PCNA: variants seen among roughly 807,000 people sequenced by gnomAD.
PCNA encodes proliferating cell nuclear antigen, also known as DNA sliding clamp PCNA.
PCNA carries 4 observed loss-of-function variants against 27.8 expected under a neutral mutation model. The ratio of observed to expected loss-of-function variants is 0.14; its 90% CI spans 0.07 to 0.33. The LOEUF (loss-of-function observed/expected upper bound fraction) is 0.33, where lower values mean the gene tolerates loss of function less well. PCNA is among the 10% of genes least tolerant of loss of function. The pLI is 1.00. For missense variants in PCNA, 165 were observed against 327.4 expected, an observed-to-expected ratio of 0.50 and a Z score of 3.83; for synonymous variants, 121 against 119.4, an observed-to-expected ratio of 1.01 and a Z score of -0.09.
In PCNA at chr20:5,119,598, G is replaced by A. The variant is rs138777990; in HGVS notation, c.201C>T (p.Ala67=). ...CTCACCTGGTGAGGTTCACGCCCAT[G>A]GCCAGGTTGCGGTCGCAGCGGTAGG... The part of the protein sequence containing the change: ...FDTYRCDRNL[A]MGVNLTSMSK... The change falls in exon 1 of 6, where the codon GCC becomes GCT. Residue 67 remains alanine (A), a synonymous_variant. Coordinates refer to ENST00000379143, the MANE Select transcript of PCNA (RefSeq NM_182649.2). 6.2e-7 allele frequency: 1 copy of A among 1,613,052 alleles called. No homozygotes were observed. Among genetic ancestry groups the A allele is most frequent in the Non-Finnish European group, 8.5e-7 (1 of 1,179,848 alleles).
chr20:5,123,350 A>T (rs1011259947), upstream of PCNA, among the ~76,000 whole-genome samples: 2 of 152,226 alleles, frequency 1.3e-5, no homozygotes, highest in African/African-American at 4.8e-5. Context: ...GAAAGAATGA[A>T]GTAAATTTTG....
chr20:5,122,084 C>T (rs541546875), upstream of PCNA, among the ~76,000 whole-genome samples: 23 of 151,440 alleles, frequency 1.5e-4, no homozygotes, highest in Non-Finnish European at 2.8e-4. Flanking sequence ...TGGGTTCAAG[C>T]AATTCTCATG....
chr20:5,119,349 G>T (rs1408196696), intron 1 of PCNA, among the ~76,000 whole-genome samples: 1 of 151,654 alleles, frequency 6.6e-6, no homozygotes, highest in Non-Finnish European at 1.5e-5. Context: ...TGATTTTCCC[G>T]CCACCACCCG....
upstream of PCNA, among the ~76,000 whole-genome samples, chr20:5,123,924 A>G (rs1568521920): frequency 2.0e-5 from 3 of 152,240 alleles, no homozygotes; most frequent in Admixed American, 1.3e-4. Flanking sequence ...AGTATAGTTT[A>G]GGTTTCAGTG....
Position 5,118,653 on chromosome 20 carries a change from T to A in PCNA, c.344A>T (p.Glu115Val). The change falls in exon 3 of 6, where the codon GAA (glutamate) becomes GTA (valine). Residue 115 changes from glutamate (E) to valine (V), a missense_variant. By Grantham distance (121) the Glu-to-Val change is moderately radical. Transcript: ENST00000379143. The part of the protein sequence containing the change: ...APNQEKVSDY[E>V]MKLMDLDVEQ... ...AACATCTAAATCCATCAACTTCATTTCATAGTCTGAAACTTTCTCCTGGTC... is the reference window on the plus strand; with the variant it reads ...AACATCTAAATCCATCAACTTCATTACATAGTCTGAAACTTTCTCCTGGTC... The A allele has an allele frequency of 1.2e-6, 2 of 1,613,730 alleles. No homozygotes were observed. The highest frequency in any genetic ancestry group is 1.7e-6 in the Non-Finnish European group (2 of 1,179,636).
chr20:5,121,386 CTTTTTTTTTTTTT>C (rs10712798), upstream of PCNA: 1 of 97,226 alleles, frequency 1.0e-5, no homozygotes, highest in Non-Finnish European at 2.0e-5. Flanking sequence ...CCTTTCTTTC[CTTTTTTTTTTTTT>C]TTTTTTTTTC....
At chr20:5,122,301 C>A (rs939804148), upstream of PCNA, among the ~76,000 whole-genome samples, 5 of 152,138 alleles carry the variant, frequency 3.3e-5, no homozygotes, top group Non-Finnish European at 2.9e-5. Flanking sequence ...TTTAAAAGAA[C>A]TTTTAGACTT....
rs1013421984 is a variant in PCNA at position 5,116,196 on chromosome 20, G to A, written c.583-624C>T. Among the ~76,000 whole-genome samples the A allele has an allele frequency of 2.6e-5, 4 of 152,292 alleles. No individual in the cohort carries two copies. In the East Asian group the frequency reaches 7.7e-4, roughly 29 times the overall value. On this transcript the variant is annotated intron_variant, in intron 4 of 5. Coordinates refer to ENST00000379143, the MANE Select transcript of PCNA (RefSeq NM_182649.2). ...TAGGGGAAACCAGGCTAGGTGTGTT[G>A]GCACACACCTGTAGTCCCGGCTACT...
chr20:5,123,309 A>G (rs1350290692), upstream of PCNA, among the ~76,000 whole-genome samples: 2 of 152,228 alleles, frequency 1.3e-5, no homozygotes, highest in Non-Finnish European at 2.9e-5. Context: ...CTACTCTAAC[A>G]TCTAGTAAAG....
At chr20:5,119,042 G>A (rs1386966316) in intron 1 of PCNA, among the ~76,000 whole-genome samples, 176 bp from the exon 2 acceptor site, 1 of 152,016 alleles carries the variant, frequency 6.6e-6, no homozygotes, top group Non-Finnish European at 1.5e-5. Context: ...GACGCATCTG[G>A]CAGTATTTAT....
At chr20:5,117,333 G>A (rs1232991068) in intron 4 of PCNA, 137 bp downstream of exon 4, 4 of 642,394 alleles carry the variant, frequency 6.2e-6, no homozygotes, top group African/African-American at 1.8e-5. Context: ...TAAATCATTC[G>A]CAGATTTCAA....
intron 4 of PCNA, among the ~76,000 whole-genome samples, chr20:5,116,779 A>G (rs1417643016): frequency 6.6e-6 from 1 of 152,170 alleles, no homozygotes; most frequent in Non-Finnish European, 1.5e-5. Context: ...CAGCATTCCA[A>G]GTAGCTGGGA....
At position 5,118,659 on chromosome 20, in the gene PCNA, T is replaced by C; in HGVS notation, c.338A>G (p.Asp113Gly). The C allele has an allele frequency of 6.2e-7, 1 of 1,613,698 alleles. No homozygotes were observed. Among genetic ancestry groups the C allele is most frequent in the Non-Finnish European group, 8.5e-7 (1 of 1,179,566 alleles). ...FEAPNQEKVS[D>G]YEMKLMDLDV... ...TAAATCCATCAACTTCATTTCATAGTCTGAAACTTTCTCCTGGTCTACCAA... is the reference window on the plus strand; with the variant it reads ...TAAATCCATCAACTTCATTTCATAGCCTGAAACTTTCTCCTGGTCTACCAA... Residue 113 changes from aspartate (D) to glycine (G), a missense_variant, in exon 3 of 6, where the codon GAC becomes GGC. Coordinates refer to ENST00000379143, the MANE Select transcript of PCNA (RefSeq NM_182649.2).
At chr20:5,123,411 C>T (rs975738072), upstream of PCNA, among the ~76,000 whole-genome samples, 1 of 152,016 alleles carries the variant, frequency 6.6e-6, no homozygotes, top group Non-Finnish European at 1.5e-5. Context: ...GTAGACTTTT[C>T]TGGATGGGCG....
intron 4 of PCNA, 21 bp downstream of exon 4, chr20:5,117,449 T>C: frequency 6.4e-7 from 1 of 1,559,024 alleles, no homozygotes; most frequent in East Asian, 2.3e-5. Flanking sequence ...ACTATTTTCT[T>C]TTTACTTAAA....
chr20:5,123,011 C>T (rs1433692689), upstream of PCNA, among the ~76,000 whole-genome samples: 1 of 152,168 alleles, frequency 6.6e-6, no homozygotes, highest in Non-Finnish European at 1.5e-5. Context: ...CAGAGAAGGC[C>T]TCTCTGAGGA....
chr20:5,120,048 T>C, upstream of PCNA: 3 of 520,382 alleles, frequency 5.8e-6, no homozygotes, highest in South Asian at 6.1e-5. Context: ...GGGAAGACTT[T>C]AGGGCCAATC....
At chr20:5,125,552 G>C (rs532094893) in intron 1 of PCNA, among the ~76,000 whole-genome samples, 1 of 152,224 alleles carries the variant, frequency 6.6e-6, no homozygotes, top group Non-Finnish European at 1.5e-5. Flanking sequence ...CAATTCTTTT[G>C]TGTGCAAGTG....
rs902102178 is a variant in PCNA at position 5,115,200 on chromosome 20, A to G, written c.*83T>C. The G allele has an allele frequency of 4.1e-6, 4 of 982,308 alleles. No individual in the cohort carries two copies. Among genetic ancestry groups the G allele is most frequent in the Admixed American group, 2.1e-5 (1 of 48,028 alleles). The allele number at this position is 982,308 out of a possible 1,614,324, so 60.8% of individuals were successfully genotyped here. A position where few individuals can be genotyped will look rare whatever the true frequency, so the allele number is the denominator to read the frequency against. On this transcript the variant is annotated 3_prime_UTR_variant, in exon 6 of 6. Transcript: ENST00000379143. ...TGTACTTAGAGGTACAAATTTGGTG[A>G]CAGAAAAGACTTCAGTATATGCTGG... is the stretch of plus-strand genomic sequence containing the variant.
Sources: allele counts gnomAD v4.1 joint callset (sites outside exome capture counted in the v4.1 genomes callset), GRCh38; gene constraint gnomAD v4.1.1; transcripts MANE v1.5; gene names NCBI Gene and HGNC (gene_info 2026-07-23, HGNC 2026-07-21).